ITCH: variants seen among roughly 807,000 people sequenced by gnomAD.
ITCH encodes E3 ubiquitin-protein ligase Itchy homolog.
In ITCH, 28 loss-of-function variants were observed where a neutral mutation model predicts 126.8. That is an observed-to-expected ratio of 0.22 (90% confidence interval 0.16 to 0.30). ITCH has a LOEUF of 0.30. Ranked by LOEUF, ITCH falls within the 10% of genes least tolerant of loss-of-function variation. The probability of loss-of-function intolerance (pLI) is 1.00; values close to 1 mark genes in which losing one functional copy is unlikely to be tolerated. For missense variants in ITCH, 631 were observed against 1,032.4 expected (o/e 0.61, Z 5.33); for synonymous variants, 342 against 340.0 (o/e 1.01, Z -0.06).
At chr20:34,473,474 G>A (rs1431563335) in intron 16 of ITCH, among the ~76,000 whole-genome samples, 2 of 152,096 alleles carry the variant, frequency 1.3e-5, no homozygotes, top group Non-Finnish European at 2.9e-5. Context: ...AGAGAATGGC[G>A]CCACCTGGGG....
chr20:34,386,898 G>A (rs2038303471), intron 2 of ITCH, among the ~76,000 whole-genome samples: 1 of 152,074 alleles, frequency 6.6e-6, no homozygotes, highest in African/African-American at 2.4e-5. Context: ...TGCCTTTTCA[G>A]TAAGATGTTA....
chr20:34,492,357 A>G, intron 22 of ITCH, 144 bp from the exon 23 acceptor site: 1 of 577,748 alleles, frequency 1.7e-6, no homozygotes, highest in South Asian at 1.9e-5. Flanking sequence ...TGATTGCATC[A>G]CTGCACCCCA....
At chr20:34,479,155 G>A (rs1053070073) in intron 17 of ITCH, among the ~76,000 whole-genome samples, 8 of 152,130 alleles carry the variant, frequency 5.3e-5, no homozygotes, top group African/African-American at 7.2e-5. Context: ...TTGATTTAAC[G>A]TGTAGGGAGT....
At chr20:34,405,110 C>G (rs1051868588) in intron 3 of ITCH, among the ~76,000 whole-genome samples, 1 of 145,388 alleles carries the variant, frequency 6.9e-6, no homozygotes, top group Non-Finnish European at 1.5e-5. Flanking sequence ...CCACTATTCT[C>G]CAGCCTGGGT....
At chr20:34,477,940 C>T in intron 17 of ITCH, 80 bp downstream of exon 17, 1 of 1,576,092 alleles carries the variant, frequency 6.3e-7, no homozygotes, top group Non-Finnish European at 8.7e-7. Flanking sequence ...GTATTATTTT[C>T]TCAATCTTAT....
chr20:34,398,263 C>G (rs1021953136), intron 3 of ITCH, among the ~76,000 whole-genome samples: 1 of 151,888 alleles, frequency 6.6e-6, no homozygotes, highest in Non-Finnish European at 1.5e-5. Flanking sequence ...GCGTTTTGCT[C>G]TGTTGCCCAG....
At chr20:34,380,605 CTTTT>C (rs35848431) in intron 2 of ITCH, among the ~76,000 whole-genome samples, 6 of 69,244 alleles carry the variant, frequency 8.7e-5, no homozygotes, top group South Asian at 6.2e-4. Context: ...TTAATGATGT[CTTTT>C]TTTTTTTTTT....
At chr20:34,462,042 A>T in intron 13 of ITCH, 51 bp from the exon 14 acceptor site, 1 of 1,590,690 alleles carries the variant, frequency 6.3e-7, no homozygotes, top group African/African-American at 1.3e-5. Context: ...GTACTTGGCA[A>T]ACAAGCAACT....
In ITCH at chr20:34,378,780, A is replaced by G. The variant is rs114435000; in HGVS notation, c.-22+9310A>G. Among the ~76,000 whole-genome samples the G allele has an allele frequency of 4.4e-3, 667 of 152,292 alleles. 15 individuals carry two copies. Among genetic ancestry groups the G allele is most frequent in the African/African-American group, 0.015 (607 of 41,568 alleles). On this transcript the variant is annotated intron_variant, in intron 2 of 24. Coordinates refer to ENST00000374864, the MANE Select transcript of ITCH (RefSeq NM_031483.7). ...AGCTGTTTTGGAAATGGGAAGGAAAATAATGTGAGAGAGAGATTAACTGCA... is the reference window on the plus strand; with the variant it reads ...AGCTGTTTTGGAAATGGGAAGGAAAGTAATGTGAGAGAGAGATTAACTGCA...
chr20:34,415,999 G>A (rs1005366539), intron 6 of ITCH, among the ~76,000 whole-genome samples: 7 of 151,900 alleles, frequency 4.6e-5, no homozygotes, highest in South Asian at 2.1e-4. Flanking sequence ...GCGAGCACCC[G>A]TAAGCCCAGC....
chr20:34,449,349 A>C (rs879575929), intron 11 of ITCH, 62 bp from the exon 12 acceptor site: 15 of 982,228 alleles, frequency 1.5e-5, no homozygotes, highest in Non-Finnish European at 2.4e-5. Flanking sequence ...AGAACTCATA[A>C]GCTTGCTGTC....
chr20:34,364,668 C>T (rs549105278), intron 1 of ITCH, among the ~76,000 whole-genome samples: 1 of 136,734 alleles, frequency 7.3e-6, no homozygotes, highest in African/African-American at 2.8e-5. Flanking sequence ...ATCATGAGGT[C>T]AGGAGTTCGA....
chr20:34,469,970 G>A (rs969831453), intron 14 of ITCH, 78 bp from the exon 15 acceptor site: 52 of 1,037,286 alleles, frequency 5.0e-5, no homozygotes, highest in Non-Finnish European at 7.5e-5. Flanking sequence ...CTGAGAGAGG[G>A]TGGGATATTT....
At chr20:34,415,905 C>CCTAAG (rs1375457040) in intron 6 of ITCH, among the ~76,000 whole-genome samples, 1 of 151,334 alleles carries the variant, frequency 6.6e-6, no homozygotes, top group Non-Finnish European at 1.5e-5. Flanking sequence ...GGGCTGATCA[C>CCTAAG]GAGGTCAGGA....
At chr20:34,382,467 C>T (rs748104076) in intron 2 of ITCH, among the ~76,000 whole-genome samples, 2 of 152,040 alleles carry the variant, frequency 1.3e-5, no homozygotes, top group Non-Finnish European at 2.9e-5. Flanking sequence ...AGTGCAGTGG[C>T]GTGATCTCAG....
chr20:34,459,590 C>G lies in ITCH; in HGVS notation c.1295+2116C>G, dbSNP rs542707054. Among the ~76,000 whole-genome samples the G allele has an allele frequency of 5.9e-5, 9 of 152,290 alleles. No homozygotes were observed. The South Asian group carries it at 1.0e-3, about 18-fold the overall frequency. ...TGCTGAGGGCAAAGGCCAGACCTCT[C>G]TTTTGGTATAATTATAATTTGAGAA... On this transcript the variant is annotated intron_variant, in intron 13 of 24. Transcript: ENST00000374864.
chr20:34,498,131 TTC>T (rs1480591951), intron 23 of ITCH, among the ~76,000 whole-genome samples: 1 of 152,246 alleles, frequency 6.6e-6, no homozygotes, highest in Non-Finnish European at 1.5e-5. Context: ...TTTCTTTTTC[TTC>T]TAGTTTGTTG....
At position 34,445,361 on chromosome 20, in the gene ITCH, G is replaced by A. The variant is rs1299519505; in HGVS notation, c.1040G>A (p.Arg347Lys). 1 of 1,613,354 alleles carries A rather than the reference G, an allele frequency of 6.2e-7. No individual in the cohort carries two copies. The highest frequency in any genetic ancestry group is 1.1e-5 in the South Asian group (1 of 91,062). Residue 347 changes from arginine to lysine, a missense_variant, in exon 11 of 25, where the codon AGG becomes AAG. Around this residue, in one of 4 missense-constraint regions of ITCH, gnomAD observed 390 missense variants for 731.6 expected, o/e 0.53. Transcript: ENST00000374864. ...TTCACAAGAACAACAACGTGGCAGAGGCCAACACTGGAATCCGTCCGGAAC... is the reference window on the plus strand; with the variant it reads ...TTCACAAGAACAACAACGTGGCAGAAGCCAACACTGGAATCCGTCCGGAAC... ...DHFTRTTTWQRPTLESVRNYE... is the reference protein window; with the variant it reads ...DHFTRTTTWQKPTLESVRNYE...
At chr20:34,425,911 T>C (rs1176767216) in intron 7 of ITCH, among the ~76,000 whole-genome samples, 1 of 152,276 alleles carries the variant, frequency 6.6e-6, no homozygotes, top group African/African-American at 2.4e-5. Context: ...GTACTTTGTG[T>C]CTGTGTCTTA....
Sources: gnomAD v4.1 joint callset for allele counts (sites outside exome capture counted in the v4.1 genomes callset) on GRCh38, gnomAD v4.1.1 for gene constraint, gnomAD v4.1.1 regional missense constraint, MANE v1.5 for transcripts, NCBI Gene and HGNC (gene_info 2026-07-23, HGNC 2026-07-21) for gene names.